The following GRID1 variants were observed in gnomAD, a reference collection of about 807,000 sequenced individuals.
GRID1 encodes the protein glutamate receptor ionotropic, delta-1.
GRID1 carries 28 observed loss-of-function variants against 98.0 expected under a neutral mutation model. The observed-to-expected ratio is 0.29, with a 90% CI of 0.21 to 0.39. GRID1 has a LOEUF of 0.39. Among genes scored for constraint, GRID1 ranks in the 10% least tolerant of loss-of-function variants. GRID1 has a pLI of 1.00. For synonymous variants in GRID1, 553 were observed against 538.5 expected, an observed-to-expected ratio of 1.03 and a Z score of -0.37; for missense variants, 1,111 against 1,340.5, an observed-to-expected ratio of 0.83 and a Z score of 2.67.
chr10:85,613,109 G>T, intron 15 of GRID1: 1 of 405,456 alleles, frequency 2.5e-6, no homozygotes, highest in South Asian at 3.7e-5. Context: ...GGGCAGGGTA[G>T]GGAAGGGCTC....
chr10:86,142,087 C>T (rs957966127), intron 3 of GRID1, among the ~76,000 whole-genome samples: 2 of 152,256 alleles, frequency 1.3e-5, no homozygotes, highest in Non-Finnish European at 2.9e-5. Flanking sequence ...ACCATGAGAA[C>T]ATCTCCAGGC....
chr10:86,153,604 A>T (rs576216231), intron 3 of GRID1, among the ~76,000 whole-genome samples: 1 of 152,304 alleles, frequency 6.6e-6, no homozygotes, highest in Non-Finnish European at 1.5e-5. Flanking sequence ...GCTGGTGGTC[A>T]GCAGAGGCCA....
intron 4 of GRID1, among the ~76,000 whole-genome samples, chr10:86,094,581 C>T (rs555894641): frequency 2.0e-5 from 3 of 152,256 alleles, no homozygotes; most frequent in South Asian, 4.1e-4. Context: ...AAATCAAGAA[C>T]TCAACCCCTT....
At chr10:86,211,262 A>C (rs1397166149) in intron 2 of GRID1, among the ~76,000 whole-genome samples, 1 of 152,218 alleles carries the variant, frequency 6.6e-6, no homozygotes, top group Non-Finnish European at 1.5e-5. Flanking sequence ...TTTTGTTATA[A>C]TTCTTTGCCT....
chr10:85,690,978 T>C (rs1841325018), intron 12 of GRID1, among the ~76,000 whole-genome samples: 1 of 152,194 alleles, frequency 6.6e-6, no homozygotes, highest in Non-Finnish European at 1.5e-5. Flanking sequence ...GATTTATTCA[T>C]TTATTGAGGA....
chr10:85,634,281 TCTCTCTCTCTCACA>T (rs1019341879), intron 13 of GRID1, among the ~76,000 whole-genome samples: 13 of 145,780 alleles, frequency 8.9e-5, no homozygotes, highest in African/African-American at 3.2e-4. Flanking sequence ...TCTCTCTCTC[TCTCTCTCTCTCACA>T]CACACACACA....
At position 86,233,784 on chromosome 10, in the gene GRID1, G is replaced by A. The variant is rs182396302; in HGVS notation, c.236-27136C>T. 1.7e-3 allele frequency among the ~76,000 whole-genome samples: 255 copies of A among 152,194 alleles called. 2 individuals carry two copies. In the Middle Eastern group the frequency reaches 0.017, roughly 10 times the overall value. ...GTCCCAGGCTCTGCCTCTAGGGAAC[G>A]TGACTGGAGACAATTGGGCCCTCCA... On this transcript the variant is annotated intron_variant, in intron 2 of 15. Coordinates refer to ENST00000327946, the MANE Select transcript of GRID1 (RefSeq NM_017551.3).
chr10:86,139,108 C>T, intron 3 of GRID1, 84 bp from the exon 4 acceptor site: 1 of 926,476 alleles, frequency 1.1e-6, no homozygotes, highest in South Asian at 1.4e-5. Flanking sequence ...GCAACACGTT[C>T]CACCCATGCA....
chr10:85,817,231 G>T (rs1335823432), intron 8 of GRID1, among the ~76,000 whole-genome samples: 1 of 152,162 alleles, frequency 6.6e-6, no homozygotes, highest in Non-Finnish European at 1.5e-5. Context: ...TAATGGGATT[G>T]CCGGGTCGAA....
chr10:85,966,343 C>G (rs952816905), intron 4 of GRID1, among the ~76,000 whole-genome samples: 5 of 152,112 alleles, frequency 3.3e-5, no homozygotes, highest in Non-Finnish European at 7.4e-5. Flanking sequence ...TAGGACACAC[C>G]TGGAAAGATC....
At chr10:85,870,621 T>C (rs1287926212) in intron 5 of GRID1, among the ~76,000 whole-genome samples, 2 of 152,096 alleles carry the variant, frequency 1.3e-5, no homozygotes, top group African/African-American at 4.8e-5. Flanking sequence ...ACAGTTGCAG[T>C]TGAGGAGTTG....
intron 4 of GRID1, among the ~76,000 whole-genome samples, chr10:85,990,008 C>A (rs1346253096): frequency 3.3e-5 from 5 of 152,172 alleles, no homozygotes; most frequent in Non-Finnish European, 5.9e-5. Flanking sequence ...AACCAGGAAG[C>A]AAGCCCTCAC....
intron 13 of GRID1, among the ~76,000 whole-genome samples, chr10:85,627,714 A>G (rs1033658566): frequency 6.6e-6 from 1 of 152,188 alleles, no homozygotes; most frequent in Non-Finnish European, 1.5e-5. Context: ...CCAGCTCTCC[A>G]GTGACCCTAC....
chr10:85,795,990 G>A (rs1240621469), intron 8 of GRID1, among the ~76,000 whole-genome samples: 1 of 152,128 alleles, frequency 6.6e-6, no homozygotes, highest in African/African-American at 2.4e-5. Context: ...GTTAAGGGAG[G>A]GTTGCAAACA....
At chr10:85,876,091 C>A (rs565700507) in intron 5 of GRID1, among the ~76,000 whole-genome samples, 1 of 152,344 alleles carries the variant, frequency 6.6e-6, no homozygotes, top group African/African-American at 2.4e-5. Flanking sequence ...ATGGCACTGA[C>A]TTCTAGCTTC....
intron 5 of GRID1, among the ~76,000 whole-genome samples, chr10:85,896,470 T>C (rs1474314431): frequency 6.6e-6 from 1 of 152,226 alleles, no homozygotes; most frequent in Non-Finnish European, 1.5e-5. Flanking sequence ...CTCAGACCTT[T>C]TCTGAACTTC....
At chr10:85,958,320 C>A (rs1270709875) in intron 4 of GRID1, among the ~76,000 whole-genome samples, 1 of 152,238 alleles carries the variant, frequency 6.6e-6, no homozygotes, top group Non-Finnish European at 1.5e-5. Flanking sequence ...CTACACTGAA[C>A]CCATATGAAC....
chr10:86,139,409 G>A (rs1331639236), intron 3 of GRID1, among the ~76,000 whole-genome samples: 5 of 152,114 alleles, frequency 3.3e-5, no homozygotes, highest in Non-Finnish European at 7.4e-5. Flanking sequence ...ACCTCCCTCT[G>A]CTCCCAACAT....
At chr10:85,995,861 C>A (rs1042537331) in intron 4 of GRID1, among the ~76,000 whole-genome samples, 1 of 152,168 alleles carries the variant, frequency 6.6e-6, no homozygotes, top group African/African-American at 2.4e-5. Flanking sequence ...CTCTAACAAG[C>A]GGTTTATGAA....
Sources: gnomAD v4.1 joint callset for allele counts (sites outside exome capture counted in the v4.1 genomes callset) on GRCh38, gnomAD v4.1.1 for gene constraint, MANE v1.5 for transcripts, NCBI Gene and HGNC (gene_info 2026-07-23, HGNC 2026-07-21) for gene names.